NEGR1: variants seen among roughly 807,000 people sequenced by gnomAD.
NEGR1 encodes the protein neuronal growth regulator 1.
Under a neutral mutation model 40.9 loss-of-function variants are expected in NEGR1, and 10 were observed. The observed-to-expected ratio is 0.24, with a 90% CI of 0.15 to 0.42. NEGR1 has a LOEUF of 0.42. Among genes scored for constraint, NEGR1 ranks in the 10% least tolerant of loss-of-function variants. NEGR1 has a pLI of 1.00. For synonymous variants in NEGR1, 185 were observed against 166.8 expected, an observed-to-expected ratio of 1.11 and a Z score of -0.84; for missense variants, 352 against 438.9, an observed-to-expected ratio of 0.80 and a Z score of 1.77.
intron 2 of NEGR1, among the ~76,000 whole-genome samples, chr1:71,846,347 T>C (rs1365533025): frequency 6.6e-6 from 1 of 151,772 alleles, no homozygotes; most frequent in East Asian, 1.9e-4. Context: ...ATTTATCTCC[T>C]TTGTTCTTCA....
intron 1 of NEGR1, among the ~76,000 whole-genome samples, chr1:72,115,629 G>A (rs1649551932): frequency 6.6e-6 from 1 of 151,682 alleles, no homozygotes; most frequent in Non-Finnish European, 1.5e-5. Context: ...TTTAAAGTGT[G>A]TATGGAAAAG....
chr1:72,231,323 T>C (rs1654357097), intron 1 of NEGR1, among the ~76,000 whole-genome samples: 1 of 152,128 alleles, frequency 6.6e-6, no homozygotes, highest in South Asian at 2.1e-4. Flanking sequence ...CTCTATTAAT[T>C]ATTTTGATTA....
In NEGR1 at chr1:71,967,704, T is replaced by C. The variant is rs553980641; in HGVS notation, c.177-32393A>G. On this transcript the variant is annotated intron_variant, in intron 1 of 6. Transcript: ENST00000357731. ...AGTGAATGCATCCAGGGGATAATAC[T>C]GCCAATTATTTATCTTTCATTTACA... Among the ~76,000 whole-genome samples, 5 of 152,320 alleles carry C rather than the reference T, an allele frequency of 3.3e-5. No homozygotes were observed. In the South Asian group the frequency reaches 1.0e-3, roughly 32 times the overall value.
At chr1:71,827,251 A>T (rs1030991169) in intron 2 of NEGR1, among the ~76,000 whole-genome samples, 1 of 151,908 alleles carries the variant, frequency 6.6e-6, no homozygotes, top group African/African-American at 2.4e-5. Context: ...TCCTTTAAAA[A>T]AATATAAAGC....
chr1:71,774,196 C>T (rs1294535474), intron 3 of NEGR1, among the ~76,000 whole-genome samples: 1 of 152,092 alleles, frequency 6.6e-6, no homozygotes, highest in East Asian at 1.9e-4. Context: ...GTAACTACAG[C>T]TAAGAGATGT....
In NEGR1 at chr1:71,611,091, G is replaced by A; in HGVS notation, c.723C>T (p.Gly241=). 2 of 1,613,696 alleles carry A rather than the reference G, an allele frequency of 1.2e-6. No homozygotes were observed. The highest frequency in any genetic ancestry group is 1.7e-6 in the Non-Finnish European group (2 of 1,179,752). ...KSGTVTPGRS[G]LIRCEGAGVP... The stretch of plus-strand genomic sequence containing the variant: ...CACCTGCACCTTCACATCTTATCAG[G>A]CCACTGCGTCCGGGGGTCACGGTGC... Residue 241 remains glycine, a synonymous_variant, in exon 5 of 7, where the codon GGC becomes GGT. Coordinates refer to ENST00000357731, the MANE Select transcript of NEGR1 (RefSeq NM_173808.3).
chr1:72,036,110 TCA>T (rs1254184006), intron 1 of NEGR1, among the ~76,000 whole-genome samples: 2 of 152,172 alleles, frequency 1.3e-5, no homozygotes, highest in African/African-American at 4.8e-5. Context: ...TGCCTACAAT[TCA>T]CAGTTTTTAG....
At chr1:71,758,425 T>C (rs1268274555) in intron 3 of NEGR1, among the ~76,000 whole-genome samples, 1 of 152,116 alleles carries the variant, frequency 6.6e-6, no homozygotes, top group Admixed American at 6.6e-5. Flanking sequence ...TTAAAACATG[T>C]AGTTTCACTT....
chr1:71,665,451 T>G (rs191262366), intron 4 of NEGR1, among the ~76,000 whole-genome samples: 222 of 152,306 alleles, frequency 1.5e-3, no homozygotes, highest in African/African-American at 4.6e-3. Flanking sequence ...TAAACATGTG[T>G]TGGATCCTGC....
At chr1:71,482,375 T>C (rs1019821980) in intron 6 of NEGR1, among the ~76,000 whole-genome samples, 6 of 151,832 alleles carry the variant, frequency 4.0e-5, no homozygotes, top group Admixed American at 1.3e-4. Flanking sequence ...ATAATCTTTC[T>C]AAACAAAGTA....
intron 1 of NEGR1, among the ~76,000 whole-genome samples, chr1:72,020,436 A>G (rs922344431): frequency 6.6e-6 from 1 of 152,164 alleles, no homozygotes; most frequent in Non-Finnish European, 1.5e-5. Context: ...ATTTTCCCTG[A>G]AAAAGGAGTA....
chr1:71,422,630 A>G (rs1446053201), intron 6 of NEGR1: 3 of 152,228 alleles, frequency 2.0e-5, no homozygotes, highest in East Asian at 3.8e-4. Flanking sequence ...CAGCTACAGG[A>G]AAAGAACTGA....
intron 6 of NEGR1, among the ~76,000 whole-genome samples, chr1:71,567,742 T>C (rs1268758640): frequency 1.3e-5 from 2 of 152,152 alleles, no homozygotes; most frequent in Non-Finnish European, 2.9e-5. Flanking sequence ...ATTTGTATGT[T>C]GAAATTCTAA....
chr1:72,270,985 T>C (rs1655823877), intron 1 of NEGR1, among the ~76,000 whole-genome samples: 1 of 151,890 alleles, frequency 6.6e-6, no homozygotes, highest in Non-Finnish European at 1.5e-5. Context: ...TGTTATGTAC[T>C]GTTAGCATTT....
At chr1:71,758,767 T>A (rs1655831095) in intron 3 of NEGR1, among the ~76,000 whole-genome samples, 1 of 152,150 alleles carries the variant, frequency 6.6e-6, no homozygotes. Context: ...ACACATTGGG[T>A]CTTGATTTTT....
chr1:72,270,146 C>G (rs1655794461), intron 1 of NEGR1, among the ~76,000 whole-genome samples: 1 of 151,776 alleles, frequency 6.6e-6, no homozygotes, highest in Non-Finnish European at 1.5e-5. Context: ...AGTTACCTTC[C>G]CTTGCCAAAC....
intron 1 of NEGR1, among the ~76,000 whole-genome samples, chr1:72,072,269 T>C (rs932980837): frequency 5.9e-5 from 9 of 152,142 alleles, no homozygotes; most frequent in African/African-American, 2.2e-4. Flanking sequence ...ACTACATTAT[T>C]CATCTCCATC....
chr1:71,882,532 A>C (rs1038773440), intron 2 of NEGR1, among the ~76,000 whole-genome samples: 4 of 152,082 alleles, frequency 2.6e-5, no homozygotes, highest in Non-Finnish European at 5.9e-5. Context: ...CCATAAGAAC[A>C]CTGAATCTTT....
chr1:72,166,673 T>C (rs1651776817), intron 1 of NEGR1, among the ~76,000 whole-genome samples: 1 of 152,168 alleles, frequency 6.6e-6, no homozygotes, highest in East Asian at 1.9e-4. Flanking sequence ...AGAGGACAAA[T>C]ACTGCATGAT....
Sources: allele counts gnomAD v4.1 joint callset (sites outside exome capture counted in the v4.1 genomes callset), GRCh38; gene constraint gnomAD v4.1.1; transcripts MANE v1.5; gene names NCBI Gene and HGNC (gene_info 2026-07-23, HGNC 2026-07-21).